LBH: variants seen among roughly 807,000 people sequenced by gnomAD.
LBH encodes LBH regulator of Wnt signaling pathway, also known as protein LBH.
LBH carries 7 observed loss-of-function variants against 12.5 expected under a neutral mutation model. The ratio of observed to expected loss-of-function variants is 0.56; its 90% CI spans 0.32 to 1.05. The LOEUF (loss-of-function observed/expected upper bound fraction) is 1.05. Ranked by LOEUF, LBH falls within the 50% of genes least tolerant of loss-of-function variation. The pLI, the probability that LBH is intolerant of heterozygous loss-of-function variation, is 0.04. For synonymous variants in LBH, 51 were observed against 50.1 expected (o/e 1.02, Z -0.08); for missense variants, 119 against 138.9 (o/e 0.86, Z 0.72).
chr2:30,232,393 C>G (rs989378657), intron 1 of LBH: 37 of 823,544 alleles, frequency 4.5e-5, no homozygotes, highest in East Asian at 3.2e-4. Context: ...CCGCCTTCGC[C>G]GTGCTGAAGG....
chr2:30,234,835 C>T (rs1328404672), intron 2 of LBH, among the ~76,000 whole-genome samples: 1 of 152,142 alleles, frequency 6.6e-6, no homozygotes, highest in Admixed American at 6.5e-5. Flanking sequence ...TTCACCGCAG[C>T]AAAGGAGGAA....
intron 2 of LBH, among the ~76,000 whole-genome samples, chr2:30,250,288 C>G (rs1035575709): frequency 1.3e-5 from 2 of 151,966 alleles, no homozygotes; most frequent in Non-Finnish European, 2.9e-5. Context: ...CCACCCCCGG[C>G]CTTCCTCTTT....
Position 30,231,555 on chromosome 2 carries a change from G to T in LBH, c.-184G>T. ...TGGGGCTGAGTGCTCAGTGGAGAGC[G>T]GGGAGTTGTGTCCACCTTGCCGACG... is the stretch of plus-strand genomic sequence containing the variant. On this transcript the variant is annotated 5_prime_UTR_variant, in exon 1 of 3. Coordinates refer to ENST00000395323, the MANE Select transcript of LBH (RefSeq NM_030915.4). The T allele has an allele frequency of 1.6e-6, 1 of 624,866 alleles. No individual in the cohort carries two copies. Among genetic ancestry groups the T allele is most frequent in the Non-Finnish European group, 2.9e-6 (1 of 346,472 alleles). 38.7% of individuals were successfully genotyped at this position (624,866 alleles called of 1,614,324 possible). A position where few individuals can be genotyped will look rare whatever the true frequency, so the allele number is the denominator to read the frequency against.
intron 2 of LBH, among the ~76,000 whole-genome samples, chr2:30,234,921 G>T (rs1254382687): frequency 1.3e-5 from 2 of 152,176 alleles, no homozygotes; most frequent in Non-Finnish European, 2.9e-5. Flanking sequence ...TTGCTGTCGG[G>T]GGCTTCTGCA....
At chr2:30,250,225 G>T (rs1003876757) in intron 2 of LBH, among the ~76,000 whole-genome samples, 1 of 152,150 alleles carries the variant, frequency 6.6e-6, no homozygotes, top group Non-Finnish European at 1.5e-5. Flanking sequence ...TTTGTCCACA[G>T]TGCCTTAGGG....
At chr2:30,231,799 C>T (rs753236191) in intron 1 of LBH, 35 bp downstream of exon 1, 3 of 1,542,262 alleles carry the variant, frequency 1.9e-6, no homozygotes, top group South Asian at 2.4e-5. Context: ...GCGTCTGTCT[C>T]GCGGCGGTGG....
chr2:30,231,577 G>A lies in LBH; in HGVS notation c.-162G>A, dbSNP rs963458377. On this transcript the variant is annotated 5_prime_UTR_variant, in exon 1 of 3. Transcript: ENST00000395323. Reference sequence around the variant, plus strand: ...AGCGGGGAGTTGTGTCCACCTTGCCGACGTCGCTAGCCGTGGGGCTGTCCT... The same window carrying A: ...AGCGGGGAGTTGTGTCCACCTTGCCAACGTCGCTAGCCGTGGGGCTGTCCT... 1.8e-5 allele frequency: 12 copies of A among 662,878 alleles called. No homozygotes were observed. The highest frequency in any genetic ancestry group is 2.7e-5 in the Admixed American group (1 of 36,652). The allele number at this position is 662,878 out of a possible 1,614,324, so 41.1% of individuals were successfully genotyped here.
intron 2 of LBH, among the ~76,000 whole-genome samples, chr2:30,247,321 A>T (rs1677888826): frequency 6.6e-6 from 1 of 152,220 alleles, no homozygotes; most frequent in African/African-American, 2.4e-5. Flanking sequence ...TCATTTCATT[A>T]TACAATATCA....
chr2:30,232,078 GGA>G (rs1222722257), intron 1 of LBH: 2 of 1,522,216 alleles, frequency 1.3e-6, no homozygotes, highest in Non-Finnish European at 1.8e-6. Flanking sequence ...CACCCTATGC[GGA>G]GAGCTGCAGG....
At chr2:30,231,825 C>T in intron 1 of LBH, 61 bp downstream of exon 1, 3 of 1,475,902 alleles carry the variant, frequency 2.0e-6, no homozygotes, top group Non-Finnish European at 2.7e-6. Flanking sequence ...GGCCCGGGCG[C>T]CTGCTTCGTG....
At chr2:30,232,866 GCT>G (rs1677618330) in intron 1 of LBH, 1 of 152,390 alleles carries the variant, frequency 6.6e-6, no homozygotes, top group Non-Finnish European at 1.5e-5. Flanking sequence ...GCAGGGCCCA[GCT>G]CCCGAACCTA....
chr2:30,253,953 T>C (rs1158162629), intron 2 of LBH, among the ~76,000 whole-genome samples: 4 of 152,208 alleles, frequency 2.6e-5, no homozygotes, highest in African/African-American at 9.6e-5. Context: ...ACCCATGCTA[T>C]CAAGTGAACG....
intron 2 of LBH, among the ~76,000 whole-genome samples, chr2:30,239,307 A>G (rs916367324): frequency 1.1e-4 from 17 of 152,184 alleles, no homozygotes; most frequent in Non-Finnish European, 2.5e-4. Flanking sequence ...TGACGGGTTA[A>G]GCCCTTAGGA....
In LBH at chr2:30,257,516, G is replaced by A; in HGVS notation, c.213G>A (p.Gly71=). ...LPSIVVEPTE[G]EVESGELRWP... is the part of the protein sequence containing the mutation. Reference sequence around the variant, plus strand: ...CCATAGTGGTGGAACCCACAGAAGGGGAGGTGGAGAGCGGGGAGCTCCGGT... The same window carrying A: ...CCATAGTGGTGGAACCCACAGAAGGAGAGGTGGAGAGCGGGGAGCTCCGGT... Residue 71 remains glycine, a synonymous_variant, in exon 3 of 3, where the codon GGG becomes GGA. Transcript: ENST00000395323. The A allele has an allele frequency of 1.2e-6, 2 of 1,614,270 alleles. No homozygotes were observed. Among genetic ancestry groups the A allele is most frequent in the Non-Finnish European group, 1.7e-6 (2 of 1,180,050 alleles).
rs1317181918 is a variant in LBH, at chr2:30,257,737, G to A, written c.*116G>A. On this transcript the variant is annotated 3_prime_UTR_variant, in exon 3 of 3. Coordinates refer to ENST00000395323, the MANE Select transcript of LBH (RefSeq NM_030915.4). ...AATTGTTCTGAAAATGTCAAACGAGGCTTCTGTTTTGCACCTGCAGATCAC... is the reference window on the plus strand; with the variant it reads ...AATTGTTCTGAAAATGTCAAACGAGACTTCTGTTTTGCACCTGCAGATCAC... 1 of 752,790 alleles carries A rather than the reference G, an allele frequency of 1.3e-6. No individual in the cohort carries two copies. The highest frequency in any genetic ancestry group is 3.0e-5 in the East Asian group (1 of 32,970). The allele number at this position is 752,790 out of a possible 1,614,324, so 46.6% of individuals were successfully genotyped here.
chr2:30,232,433 C>T (rs566656156), intron 1 of LBH: 1 of 558,504 alleles, frequency 1.8e-6, no homozygotes, highest in African/African-American at 1.9e-5. Flanking sequence ...CGCGGGGCGT[C>T]GGAGGTTTGC....
intron 2 of LBH, among the ~76,000 whole-genome samples, chr2:30,242,874 A>G (rs1445547107): frequency 6.6e-6 from 1 of 152,234 alleles, no homozygotes. Context: ...ATCTCTGCAC[A>G]GGTCTGATTT....
At position 30,231,643 on chromosome 2, in the gene LBH, G is replaced by T. The variant is rs528107202; in HGVS notation, c.-96G>T. 3.9e-6 allele frequency: 5 copies of T among 1,291,914 alleles called. No individual in the cohort carries two copies. Among genetic ancestry groups the T allele is most frequent in the South Asian group, 3.7e-5 (3 of 81,500 alleles). 80.0% of individuals were successfully genotyped at this position (1,291,914 alleles called of 1,614,324 possible). On this transcript the variant is annotated 5_prime_UTR_variant, in exon 1 of 3. Coordinates refer to ENST00000395323, the MANE Select transcript of LBH (RefSeq NM_030915.4). ...GAGCGCCCGGTGTCCGCACTCGGCC[G>T]CCTGCCGTGCCCGTCTGCGCCCGTG...
chr2:30,244,641 C>T (rs1044495307), intron 2 of LBH, among the ~76,000 whole-genome samples: 3 of 152,122 alleles, frequency 2.0e-5, no homozygotes, highest in Non-Finnish European at 4.4e-5. Flanking sequence ...GTGGCTCACA[C>T]CTATAATCCC....
Sources: allele counts gnomAD v4.1 joint callset (sites outside exome capture counted in the v4.1 genomes callset), GRCh38; gene constraint gnomAD v4.1.1; transcripts MANE v1.5; gene names NCBI Gene and HGNC (gene_info 2026-07-23, HGNC 2026-07-21).